Variants in CNTN4 observed in about 807,000 individuals in gnomAD.
CNTN4 encodes the protein contactin-4.
CNTN4 carries 77 observed loss-of-function variants against 122.5 expected under a neutral mutation model. That is an observed-to-expected ratio of 0.63 (90% CI 0.52 to 0.76). CNTN4 has a LOEUF of 0.76. Among genes scored for constraint, CNTN4 ranks in the 30% least tolerant of loss-of-function variants. The probability of loss-of-function intolerance (pLI) is 0.00; values close to 1 mark genes in which losing one functional copy is unlikely to be tolerated. For synonymous variants in CNTN4, 512 were observed against 447.0 expected, an observed-to-expected ratio of 1.15 and a Z score of -1.83; for missense variants, 1,256 against 1,259.1, an observed-to-expected ratio of 1.00 and a Z score of 0.04.
chr3:2,836,272 A>T (rs1196898611), intron 7 of CNTN4, among the ~76,000 whole-genome samples: 2 of 152,346 alleles, frequency 1.3e-5, no homozygotes, highest in East Asian at 3.9e-4. Flanking sequence ...AAAATATTTT[A>T]AAGTTTTAAT....
At chr3:2,338,602 G>A (rs962811131) in intron 2 of CNTN4, among the ~76,000 whole-genome samples, 1 of 151,654 alleles carries the variant, frequency 6.6e-6, no homozygotes, top group African/African-American at 2.4e-5. Context: ...AAGTGTGTGT[G>A]TATTTATATA....
chr3:2,672,606 G>A (rs972917799), intron 4 of CNTN4, among the ~76,000 whole-genome samples: 11 of 152,134 alleles, frequency 7.2e-5, no homozygotes, highest in Admixed American at 2.0e-4. Flanking sequence ...CACTTGGTGC[G>A]CTGCACGTAC....
chr3:2,380,641 C>T (rs1038627596), intron 3 of CNTN4, among the ~76,000 whole-genome samples: 1 of 151,924 alleles, frequency 6.6e-6, no homozygotes, highest in African/African-American at 2.4e-5. Context: ...ACTACATTGA[C>T]TATTGCCAAA....
chr3:2,682,161 C>T (rs2085198099), intron 4 of CNTN4, among the ~76,000 whole-genome samples: 1 of 152,180 alleles, frequency 6.6e-6, no homozygotes, highest in African/African-American at 2.4e-5. Context: ...TACCTGTTGT[C>T]TACAGATACT....
intron 2 of CNTN4, among the ~76,000 whole-genome samples, chr3:2,123,963 T>G (rs1353355577): frequency 6.6e-6 from 1 of 152,136 alleles, no homozygotes; most frequent in African/African-American, 2.4e-5. Flanking sequence ...TAATCAGATG[T>G]GAGAATTTAA....
chr3:2,444,227 C>T (rs537968140), intron 3 of CNTN4, among the ~76,000 whole-genome samples: 13 of 139,630 alleles, frequency 9.3e-5, no homozygotes, highest in African/African-American at 1.8e-4. Flanking sequence ...AAAAAAAAAG[C>T]AGAAGTTAAT....
At chr3:2,817,430 T>G (rs951235791) in intron 6 of CNTN4, among the ~76,000 whole-genome samples, 10 of 152,220 alleles carry the variant, frequency 6.6e-5, no homozygotes, top group Non-Finnish European at 1.0e-4. Context: ...TGGAATCTAT[T>G]TCAATTAATG....
intron 3 of CNTN4, among the ~76,000 whole-genome samples, chr3:2,373,431 C>T (rs192641508): frequency 1.6e-4 from 24 of 152,306 alleles, no homozygotes; most frequent in African/African-American, 5.3e-4. Context: ...TGTTTTTGAA[C>T]GCTGAAAGCC....
intron 6 of CNTN4, among the ~76,000 whole-genome samples, chr3:2,772,402 C>T (rs183165325): frequency 3.8e-4 from 57 of 150,682 alleles, no homozygotes; most frequent in African/African-American, 1.2e-3. Context: ...AAGGTAGGGA[C>T]GGAGACTGAG....
intron 3 of CNTN4, among the ~76,000 whole-genome samples, chr3:2,388,895 C>G (rs527272904): frequency 6.7e-6 from 1 of 150,262 alleles, no homozygotes; most frequent in Non-Finnish European, 1.5e-5. Context: ...CAGTGTCTCA[C>G]GCCTGTAATC....
intron 2 of CNTN4, among the ~76,000 whole-genome samples, chr3:2,113,627 C>G (rs1459351103): frequency 2.6e-5 from 4 of 152,106 alleles, no homozygotes; most frequent in East Asian, 1.9e-4. Context: ...GGACCCAATA[C>G]TATAGGATGA....
chr3:2,692,091 C>A (rs1014657420), intron 4 of CNTN4, among the ~76,000 whole-genome samples: 3 of 138,236 alleles, frequency 2.2e-5, no homozygotes, highest in African/African-American at 7.9e-5. Context: ...AATTAAATCT[C>A]AGATTCTTAA....
In CNTN4 at chr3:2,914,866, G is replaced by C. The variant is rs1459456937; in HGVS notation, c.1208-10763G>C. 2.6e-5 allele frequency among the ~76,000 whole-genome samples: 4 copies of C among 152,190 alleles called. No individual in the cohort carries two copies. The East Asian group carries it at 5.8e-4, about 22-fold the overall frequency. On this transcript the variant is annotated intron_variant, in intron 12 of 24. Transcript: ENST00000418658. The stretch of plus-strand genomic sequence containing the variant: ...CATAACCCTGATGAACATTGATCTA[G>C]AAATTGTCAACAAAATACTAGCATA...
At chr3:2,599,153 T>C (rs1421842392) in intron 4 of CNTN4, among the ~76,000 whole-genome samples, 3 of 152,284 alleles carry the variant, frequency 2.0e-5, no homozygotes, top group Non-Finnish European at 1.5e-5. Flanking sequence ...TGTATCCACA[T>C]GTAGGGACCA....
intron 6 of CNTN4, among the ~76,000 whole-genome samples, chr3:2,776,661 G>T (rs563206541): frequency 9.2e-5 from 14 of 152,170 alleles, no homozygotes; most frequent in Non-Finnish European, 1.6e-4. Flanking sequence ...CCTCCTCTTT[G>T]GTTCCCTGGG....
chr3:2,374,415 G>C (rs1312759755), intron 3 of CNTN4, among the ~76,000 whole-genome samples: 1 of 152,178 alleles, frequency 6.6e-6, no homozygotes, highest in Admixed American at 6.5e-5. Context: ...CACATCCTCT[G>C]TGTATATTAA....
intron 4 of CNTN4, among the ~76,000 whole-genome samples, chr3:2,662,576 G>A (rs1031937587): frequency 1.4e-4 from 22 of 152,166 alleles, no homozygotes; most frequent in African/African-American, 5.1e-4. Context: ...TAGGAAATGT[G>A]GGCTACTTCT....
intron 4 of CNTN4, among the ~76,000 whole-genome samples, chr3:2,571,842 C>G (rs1250765181): frequency 6.7e-6 from 1 of 149,108 alleles, no homozygotes; most frequent in East Asian, 2.1e-4. Flanking sequence ...TTTTGCTCAT[C>G]CCAGTGCCCA....
intron 10 of CNTN4, among the ~76,000 whole-genome samples, chr3:2,898,502 C>A (rs887607636): frequency 6.6e-6 from 1 of 152,102 alleles, no homozygotes; most frequent in Non-Finnish European, 1.5e-5. Flanking sequence ...CTTTGCAAGG[C>A]CTTTTCAAAA....
Sources: allele counts gnomAD v4.1 joint callset (sites outside exome capture counted in the v4.1 genomes callset), GRCh38; gene constraint gnomAD v4.1.1; transcripts MANE v1.5; gene names NCBI Gene and HGNC (gene_info 2026-07-23, HGNC 2026-07-21).